The following SPNS2 variants were observed in gnomAD, a reference collection of about 807,000 sequenced individuals.
SPNS2 encodes the protein SPNS lysolipid transporter 2, sphingosine-1-phosphate.
In SPNS2, 37 loss-of-function variants were observed where a neutral mutation model predicts 57.6. The observed-to-expected ratio is 0.64, with a 90% CI of 0.49 to 0.85. SPNS2 has a LOEUF of 0.85. Among genes scored for constraint, SPNS2 ranks in the 40% least tolerant of loss-of-function variants. SPNS2 has a pLI of 0.00. For missense variants in SPNS2, 831 were observed against 779.1 expected (o/e 1.07, Z -0.79); for synonymous variants, 440 against 346.9 (o/e 1.27, Z -2.98).
Position 4,536,435 on chromosome 17 carries a change from G to GA in SPNS2, c.1607+9_1607+10insA. ...GCCAGGGCTGAGCAGCAGTGAGTGG[G>GA]GGGGAGGGGAGGCCCTGCTGCACCG... On this transcript the variant is annotated intron_variant, in intron 11 of 12. Coordinates refer to ENST00000329078, the MANE Select transcript of SPNS2 (RefSeq NM_001124758.3). The GA allele has an allele frequency of 6.3e-7, 1 of 1,592,040 alleles. No individual in the cohort carries two copies.
intron 9 of SPNS2, 93 bp from the exon 10 acceptor site, chr17:4,535,983 G>A (rs1375719639): frequency 2.9e-6 from 3 of 1,018,950 alleles, no homozygotes; most frequent in South Asian, 1.5e-5. Context: ...GAGTCTGAGG[G>A]TGTGGGGGCT....
At position 4,499,257 on chromosome 17, in the gene SPNS2, AC is replaced by A. The variant is rs773321482; in HGVS notation, c.216del (p.Gly73AlafsTer97). ...SGSVRRAPTG[P>X]PGTPGTPGCA... ...GCAGCGTAAGGCGGGCCCCGACCGG[AC>A]CCCCCGGCACCCCCGGCACCCCCGG... On this transcript the variant is annotated frameshift_variant, in exon 1 of 13. Transcript: ENST00000329078. LOFTEE classifies it high-confidence loss of function. The surrounding 1 kb of genome is among the most constrained non-coding windows in gnomAD (Gnocchi z 5.2). 5.2e-5 allele frequency: 77 copies of A among 1,468,792 alleles called. No individual in the cohort carries two copies. Among genetic ancestry groups the A allele is most frequent in the Admixed American group, 3.1e-4 (13 of 41,612 alleles). 91.0% of individuals were successfully genotyped at this position (1,468,792 alleles called of 1,614,324 possible). A position where few individuals can be genotyped will look rare whatever the true frequency, so the allele number is the denominator to read the frequency against.
At chr17:4,514,596 C>A (rs1358623947) in intron 2 of SPNS2, among the ~76,000 whole-genome samples, 1 of 152,190 alleles carries the variant, frequency 6.6e-6, no homozygotes, top group East Asian at 1.9e-4. Context: ...TGGGGCAGGG[C>A]CGTGCGGTCC....
intron 5 of SPNS2, 50 bp from the exon 6 acceptor site, chr17:4,532,492 G>A: frequency 6.2e-7 from 1 of 1,613,616 alleles, no homozygotes. Context: ...TTCTGCAGCA[G>A]GGACGAGGCT....
intron 2 of SPNS2, among the ~76,000 whole-genome samples, chr17:4,522,794 A>G (rs1241876664): frequency 6.6e-6 from 1 of 152,006 alleles, no homozygotes; most frequent in East Asian, 1.9e-4. Context: ...CCTAGGGTCC[A>G]CCCTACCTTG....
At chr17:4,532,168 G>GTCCATCTA (rs903639055) in intron 5 of SPNS2, among the ~76,000 whole-genome samples, 1 of 134,422 alleles carries the variant, frequency 7.4e-6, no homozygotes, top group Non-Finnish European at 1.6e-5. Flanking sequence ...CTGTCCATCT[G>GTCCATCTA]TCCATCTATC....
chr17:4,533,869 C>G lies in SPNS2; in HGVS notation c.1344+16C>G, dbSNP rs773851740. 1.9e-6 allele frequency: 3 copies of G among 1,575,824 alleles called. No homozygotes were observed. The highest frequency in any genetic ancestry group is 1.7e-4 in the Middle Eastern group (1 of 5,880). On this transcript the variant is annotated intron_variant, in intron 9 of 12. Coordinates refer to ENST00000329078, the MANE Select transcript of SPNS2 (RefSeq NM_001124758.3). ...CATCCTCATGGTGAGCCAGGCAGGC[C>G]GAGGTCACCTTGTGCTGCTGACCCA...
At chr17:4,536,613 A>G in intron 11 of SPNS2, 187 bp downstream of exon 11, 3 of 774,020 alleles carry the variant, frequency 3.9e-6, no homozygotes, top group Non-Finnish European at 4.1e-6. Context: ...GTGGGAGGCC[A>G]CGGGGGTGTC....
Position 4,510,187 on chromosome 17 carries a change from C to T in SPNS2, c.371-3060C>T, listed in dbSNP as rs56687734. On this transcript the variant is annotated intron_variant, in intron 1 of 12. Transcript: ENST00000329078. The surrounding 1 kb of genome is among the most constrained non-coding windows in gnomAD (Gnocchi z 4.4). ...AAGCCAGAAAGGTTCAGCCCAGGTC[C>T]GACCTTGGGCCTCGCAGCCTGCAGG... Among the ~76,000 whole-genome samples the T allele has an allele frequency of 0.039, 5,873 of 152,312 alleles. 372 individuals carry two copies. The highest frequency in any genetic ancestry group is 0.13 in the African/African-American group (5,566 of 41,548).
chr17:4,535,988 G>GCCCCT, intron 9 of SPNS2, 88 bp from the exon 10 acceptor site: 2 of 1,098,176 alleles, frequency 1.8e-6, no homozygotes, highest in Non-Finnish European at 2.7e-6. Flanking sequence ...TGAGGGTGTG[G>GCCCCT]GGGCTTCAGA....
intron 2 of SPNS2, among the ~76,000 whole-genome samples, chr17:4,517,008 C>A (rs918769737): frequency 5.9e-5 from 9 of 152,250 alleles, no homozygotes; most frequent in Admixed American, 5.9e-4. Context: ...CACCCAGATT[C>A]ATCAAGGGAA....
At position 4,510,031 on chromosome 17, in the gene SPNS2, C is replaced by T. The variant is rs960643506; in HGVS notation, c.371-3216C>T. 2.0e-5 allele frequency among the ~76,000 whole-genome samples: 3 copies of T among 152,224 alleles called. No individual in the cohort carries two copies. Among genetic ancestry groups the T allele is most frequent in the Non-Finnish European group, 2.9e-5 (2 of 68,046 alleles). ...AAGGGAGGGGTGCGTGGGCCTGAGC[C>T]GTGCTGGAGCCCAAAGGAAAATCTG... On this transcript the variant is annotated intron_variant, in intron 1 of 12. Transcript: ENST00000329078. The surrounding 1 kb of genome is among the most constrained non-coding windows in gnomAD (Gnocchi z 4.4).
Position 4,536,173 on chromosome 17 carries a change from TTG to T in SPNS2, c.1443+2_1443+3del, listed in dbSNP as rs1321689651. ...GCCGGGAGCCCCTACCTCATTGGCT[TTG>T]TGAGTAGCCCCGGGGTGGGGCTGGC... is the stretch of plus-strand genomic sequence containing the variant. On this transcript the variant is annotated splice_donor_variant and coding_sequence_variant, in exon 10 of 13. Coordinates refer to ENST00000329078, the MANE Select transcript of SPNS2 (RefSeq NM_001124758.3). LOFTEE classifies it high-confidence loss of function. 6.2e-7 allele frequency: 1 copy of T among 1,611,390 alleles called. No individual in the cohort carries two copies.
rs1379818931 is a variant in SPNS2, at chr17:4,511,885, A to G, written c.371-1362A>G. Among the ~76,000 whole-genome samples the G allele has an allele frequency of 1.3e-5, 2 of 151,398 alleles. No homozygotes were observed. The highest frequency in any genetic ancestry group is 2.4e-5 in the African/African-American group (1 of 41,164). On this transcript the variant is annotated intron_variant, in intron 1 of 12. Coordinates refer to ENST00000329078, the MANE Select transcript of SPNS2 (RefSeq NM_001124758.3). This position sits in a 1 kb window ranked among gnomAD's most constrained non-coding sequence, Gnocchi z 4.6. Reference sequence around the variant, plus strand: ...GTTCCAGCCTCCCCACTCCTTCCACACCCCCAGTCCCAGCTGCCAGCAGGA... The same window carrying G: ...GTTCCAGCCTCCCCACTCCTTCCACGCCCCCAGTCCCAGCTGCCAGCAGGA...
chr17:4,521,873 C>G (rs972828564), intron 2 of SPNS2, among the ~76,000 whole-genome samples: 4 of 152,224 alleles, frequency 2.6e-5, no homozygotes, highest in African/African-American at 9.6e-5. Flanking sequence ...GTAGCTTGAA[C>G]TCAGCCAGGG....
intron 2 of SPNS2, among the ~76,000 whole-genome samples, chr17:4,516,520 C>T (rs542376941): frequency 2.6e-5 from 4 of 152,244 alleles, no homozygotes; most frequent in Admixed American, 1.3e-4. Flanking sequence ...GAAAACGTAT[C>T]ATCAAGCCAC....
intron 7 of SPNS2, 31 bp downstream of exon 7, chr17:4,533,160 G>C (rs1408502706): frequency 2.5e-6 from 4 of 1,589,358 alleles, no homozygotes; most frequent in Admixed American, 1.7e-5. Context: ...CCCAGGGCTG[G>C]TGAGGGACCT....
At position 4,499,838 on chromosome 17, in the gene SPNS2, C is replaced by T. The variant is rs756918655; in HGVS notation, c.370+421C>T. Reference sequence around the variant, plus strand: ...CCAGGTCGTCTGTCCGTCCATGGCCCGTCAGTTCCTTCCTTTCTCCGCCGC... The same window carrying T: ...CCAGGTCGTCTGTCCGTCCATGGCCTGTCAGTTCCTTCCTTTCTCCGCCGC... On this transcript the variant is annotated intron_variant, in intron 1 of 12. Coordinates refer to ENST00000329078, the MANE Select transcript of SPNS2 (RefSeq NM_001124758.3). The surrounding 1 kb of genome is among the most constrained non-coding windows in gnomAD (Gnocchi z 5.2). 6.6e-6 allele frequency among the ~76,000 whole-genome samples: 1 copy of T among 152,208 alleles called. No homozygotes were observed. The highest frequency in any genetic ancestry group is 1.5e-5 in the Non-Finnish European group (1 of 68,028).
chr17:4,531,573 G>GCGCAAT, intron 5 of SPNS2, among the ~76,000 whole-genome samples: 1 of 152,292 alleles, frequency 6.6e-6, no homozygotes, highest in South Asian at 2.1e-4. Context: ...CCCCAGGACA[G>GCGCAAT]CGCAATCGGA....
Sources: allele counts gnomAD v4.1 joint callset (sites outside exome capture counted in the v4.1 genomes callset), GRCh38; gene constraint gnomAD v4.1.1; non-coding constraint Gnocchi (gnomAD v3.1); transcripts MANE v1.5; gene names NCBI Gene and HGNC (gene_info 2026-07-23, HGNC 2026-07-21).